SEMA5A: variants seen among roughly 807,000 people sequenced by gnomAD.
SEMA5A encodes the protein semaphorin-5A.
A neutral mutation model predicts 135.5 loss-of-function variants in SEMA5A; 55 were observed. The ratio of observed to expected loss-of-function variants is 0.41; its 90% CI spans 0.33 to 0.51. The LOEUF is 0.51. Ranked by LOEUF, SEMA5A falls within the 20% of genes least tolerant of loss-of-function variation. SEMA5A has a pLI of 0.37. For missense variants in SEMA5A, 1,290 were observed against 1,419.9 expected, an observed-to-expected ratio of 0.91 and a Z score of 1.47; for synonymous variants, 580 against 546.5, an observed-to-expected ratio of 1.06 and a Z score of -0.85.
At chr5:9,143,247 G>T (rs1359659626) in intron 12 of SEMA5A, among the ~76,000 whole-genome samples, 1 of 152,120 alleles carries the variant, frequency 6.6e-6, no homozygotes, top group Admixed American at 6.6e-5. Context: ...ATACACTATG[G>T]ATTTCTGAGG....
chr5:9,417,290 A>T (rs1395958589), intron 2 of SEMA5A, among the ~76,000 whole-genome samples: 1 of 152,238 alleles, frequency 6.6e-6, no homozygotes, highest in Non-Finnish European at 1.5e-5. Flanking sequence ...ATAAGCTGTA[A>T]CCTCTAATTA....
In SEMA5A at chr5:9,346,418, A is replaced by G. The variant is rs151031106; in HGVS notation, c.125-8606T>C. Among the ~76,000 whole-genome samples, 7 of 152,222 alleles carry G rather than the reference A, an allele frequency of 4.6e-5. 1 individual carries two copies. The highest frequency in any genetic ancestry group is 2.1e-4 in the South Asian group (1 of 4,816). On this transcript the variant is annotated intron_variant, in intron 3 of 22. Transcript: ENST00000382496. Reference sequence around the variant, plus strand: ...GACACCAGACAAGAGCTTGGAAACCATGGGGGCAGACACAAAAGGGCCTGC... The same window carrying G: ...GACACCAGACAAGAGCTTGGAAACCGTGGGGGCAGACACAAAAGGGCCTGC...
At chr5:9,320,100 T>G (rs1752561131) in intron 4 of SEMA5A, among the ~76,000 whole-genome samples, 1 of 152,076 alleles carries the variant, frequency 6.6e-6, no homozygotes. Flanking sequence ...TTCACACAGT[T>G]TGCCTCCTCA....
chr5:9,242,830 C>T (rs73046684), intron 5 of SEMA5A, among the ~76,000 whole-genome samples: 2,238 of 152,190 alleles, frequency 0.015, 37 homozygotes, highest in Admixed American at 0.041. Context: ...AGACTGGAAT[C>T]GCATTAGAGT....
At chr5:9,317,196 A>G (rs921164143) in intron 5 of SEMA5A, among the ~76,000 whole-genome samples, 1 of 152,228 alleles carries the variant, frequency 6.6e-6, no homozygotes, top group African/African-American at 2.4e-5. Flanking sequence ...TGCAGTGGAA[A>G]GACAATTTAT....
chr5:9,226,992 TAA>T (rs755538651), intron 6 of SEMA5A, 25 bp from the exon 7 acceptor site: 3 of 1,177,806 alleles, frequency 2.5e-6, no homozygotes, highest in East Asian at 6.3e-5. Flanking sequence ...ATAAATTAAT[TAA>T]AAATATATAT....
At position 9,191,555 on chromosome 5, in the gene SEMA5A, T is replaced by C. The variant is rs150373484; in HGVS notation, c.1069-1084A>G. 3.3e-3 allele frequency among the ~76,000 whole-genome samples: 499 copies of C among 152,362 alleles called. 3 individuals are homozygous for C. The highest frequency in any genetic ancestry group is 0.012 in the African/African-American group (482 of 41,584). Reference sequence around the variant, plus strand: ...CCACCTGAAACTACCCTTTATAACATGTCATGTCTAATATGTGGTTTTATA... The same window carrying C: ...CCACCTGAAACTACCCTTTATAACACGTCATGTCTAATATGTGGTTTTATA... On this transcript the variant is annotated intron_variant, in intron 10 of 22. Transcript: ENST00000382496.
At position 9,305,708 on chromosome 5, in the gene SEMA5A, G is replaced by GTGTA. The variant is rs1554017498; in HGVS notation, c.270+12663_270+12664insTACA. 2.1e-3 allele frequency among the ~76,000 whole-genome samples: 299 copies of GTGTA among 139,220 alleles called. 11 individuals are homozygous for GTGTA. The highest frequency in any genetic ancestry group is 5.5e-3 in the Admixed American group (78 of 14,112). 91.3% of individuals were successfully genotyped at this position (139,220 alleles called of 152,430 possible). ...CAGTATATATACTGTGTGTGTGTGCGTATATATATATATATATATTTACAC... is the reference window on the plus strand; with the variant it reads ...CAGTATATATACTGTGTGTGTGTGCGTGTATATATATATATATATATATTTACAC... On this transcript the variant is annotated intron_variant, in intron 5 of 22. Transcript: ENST00000382496.
intron 5 of SEMA5A, among the ~76,000 whole-genome samples, chr5:9,314,521 A>G (rs1040350242): frequency 2.6e-5 from 4 of 152,160 alleles, no homozygotes; most frequent in Admixed American, 2.6e-4. Flanking sequence ...TGTGCCTAGC[A>G]GATCATCTTA....
At chr5:9,532,809 T>C (rs1434378778) in intron 1 of SEMA5A, among the ~76,000 whole-genome samples, 1 of 152,190 alleles carries the variant, frequency 6.6e-6, no homozygotes, top group African/African-American at 2.4e-5. Context: ...GACACTTTTT[T>C]CATGTAAACC....
At chr5:9,242,234 T>C (rs951221263) in intron 5 of SEMA5A, among the ~76,000 whole-genome samples, 3 of 152,170 alleles carry the variant, frequency 2.0e-5, no homozygotes, top group Non-Finnish European at 4.4e-5. Context: ...TGTCAACCTA[T>C]AACAGTAACT....
At chr5:9,263,760 C>T (rs1317122586) in intron 5 of SEMA5A, among the ~76,000 whole-genome samples, 2 of 152,144 alleles carry the variant, frequency 1.3e-5, no homozygotes, top group Admixed American at 1.3e-4. Context: ...TTATCCTCAT[C>T]GATCACATTT....
chr5:9,088,873 G>C (rs1211827458), intron 16 of SEMA5A, among the ~76,000 whole-genome samples: 1 of 152,028 alleles, frequency 6.6e-6, no homozygotes, highest in Non-Finnish European at 1.5e-5. Flanking sequence ...CCATTGCACT[G>C]TGTTAACCCC....
chr5:9,130,976 GC>G, intron 13 of SEMA5A, among the ~76,000 whole-genome samples: 1 of 152,156 alleles, frequency 6.6e-6, no homozygotes, highest in Non-Finnish European at 1.5e-5. Context: ...CTTGATCACT[GC>G]TAAAGTCCCC....
chr5:9,050,543 A>T, intron 20 of SEMA5A, 86 bp from the exon 21 acceptor site: 7 of 1,079,204 alleles, frequency 6.5e-6, no homozygotes, highest in Non-Finnish European at 9.3e-6. Flanking sequence ...TTGTCTAATG[A>T]TTCTGAATGT....
chr5:9,427,679 T>A (rs1757707330), intron 2 of SEMA5A, among the ~76,000 whole-genome samples: 1 of 152,202 alleles, frequency 6.6e-6, no homozygotes, highest in Non-Finnish European at 1.5e-5. Context: ...GGTGAGTGAC[T>A]GTCCATACTG....
intron 1 of SEMA5A, among the ~76,000 whole-genome samples, chr5:9,473,817 G>C (rs1282941310): frequency 6.6e-6 from 1 of 152,186 alleles, no homozygotes; most frequent in East Asian, 1.9e-4. Context: ...GAATATCCAA[G>C]TGCTGCAGAA....
chr5:9,516,855 G>C (rs915379622), intron 1 of SEMA5A: 1 of 152,204 alleles, frequency 6.6e-6, no homozygotes, highest in Non-Finnish European at 1.5e-5. Flanking sequence ...TTAGGAACCA[G>C]GGATCCATGG....
intron 1 of SEMA5A, among the ~76,000 whole-genome samples, chr5:9,462,858 A>G (rs1759108565): frequency 6.6e-6 from 1 of 152,118 alleles, no homozygotes. Flanking sequence ...AGGGGATCTG[A>G]AAAAATAACT....
Sources: gnomAD v4.1 joint callset for allele counts (sites outside exome capture counted in the v4.1 genomes callset) on GRCh38, gnomAD v4.1.1 for gene constraint, MANE v1.5 for transcripts, NCBI Gene and HGNC (gene_info 2026-07-23, HGNC 2026-07-21) for gene names.